The following TMEM200B variants were observed in gnomAD, a reference collection of about 807,000 sequenced individuals.
The protein encoded by TMEM200B is transmembrane protein TTMA.
Under a neutral mutation model 17.6 loss-of-function variants are expected in TMEM200B, and 12 were observed. The observed-to-expected ratio is 0.68, with a 90% confidence interval of 0.44 to 1.11. TMEM200B has a LOEUF of 1.11. TMEM200B is among the 50% of genes least tolerant of loss of function. The probability of loss-of-function intolerance (pLI) is 0.00; values close to 1 mark genes in which losing one functional copy is unlikely to be tolerated. For synonymous variants in TMEM200B, 234 were observed against 209.2 expected (o/e 1.12, Z -1.02); for missense variants, 456 against 447.6 (o/e 1.02, Z -0.17).
At position 29,121,675 on chromosome 1, in the gene TMEM200B, AC is replaced by A; in HGVS notation, c.153del (p.Ser52ArgfsTer43). ...GCCCCCAGCGCCGCGAACGCCCCCGACGGCGAGCGCAGCCGCAGCCGCGCCC... is the reference window on the plus strand; with the variant it reads ...GCCCCCAGCGCCGCGAACGCCCCCGAGGCGAGCGCAGCCGCAGCCGCGCCC... ...RVRARLRLRS[P>X]SGAFAALGAL... On this transcript the variant is annotated frameshift_variant, in exon 2 of 2. Coordinates refer to ENST00000521452, the MANE Select transcript of TMEM200B (RefSeq NM_001003682.4). LOFTEE classifies it high-confidence loss of function. This position sits in a 1 kb window ranked among gnomAD's most constrained non-coding sequence, Gnocchi z 5.6. 7.3e-7 allele frequency: 1 copy of A among 1,375,100 alleles called. No homozygotes were observed. The highest frequency in any genetic ancestry group is 9.4e-7 in the Non-Finnish European group (1 of 1,065,950). The allele number at this position is 1,375,100 out of a possible 1,614,324, so 85.2% of individuals were successfully genotyped here.
In TMEM200B at chr1:29,121,563, G is replaced by A; in HGVS notation, c.266C>T (p.Ala89Val). ...CAGCTCGCTCATCTGGGGCGAGCTG[G>A]CATTGGCGGCCCGGGACCCTGGGGC... ...AGAPGSRAAN[A>V]SSPQMSELRR... is the part of the protein sequence containing the mutation. Residue 89 changes from alanine to valine, a missense_variant, in exon 2 of 2, where the codon GCC becomes GTC. Ala to Val is a moderately conservative substitution (Grantham distance 64, BLOSUM62 0). Transcript: ENST00000521452. The surrounding 1 kb of genome is among the most constrained non-coding windows in gnomAD (Gnocchi z 5.6). 1 of 1,503,414 alleles carries A rather than the reference G, an allele frequency of 6.7e-7. No homozygotes were observed. Among genetic ancestry groups the A allele is most frequent in the East Asian group, 2.6e-5 (1 of 37,822 alleles). The allele number at this position is 1,503,414 out of a possible 1,614,324, so 93.1% of individuals were successfully genotyped here.
rs1351790276 is a variant in TMEM200B, at chr1:29,121,026, A to G, written c.803T>C (p.Leu268Pro). 6.2e-7 allele frequency: 1 copy of G among 1,613,556 alleles called. No homozygotes were observed. The highest frequency in any genetic ancestry group is 8.5e-7 in the Non-Finnish European group (1 of 1,180,000). The change falls in exon 2 of 2, where the codon CTC (leucine) becomes CCC (proline). Residue 268 changes from leucine to proline, a missense_variant. Transcript: ENST00000521452. The surrounding 1 kb of genome is among the most constrained non-coding windows in gnomAD (Gnocchi z 5.6). ...SKSLDLGLGE[L>P]LLGAPAARDC... is the part of the protein sequence containing the mutation. ...CCGAGCTGCTGGGGCCCCAAGGAGG[A>G]GCTCCCCAAGGCCCAGATCCAGAGA...
chr1:29,123,063 C>T (rs756918468), intron 1 of TMEM200B, among the ~76,000 whole-genome samples: 7 of 152,228 alleles, frequency 4.6e-5, no homozygotes, highest in African/African-American at 1.4e-4. Context: ...CGTCCGCTTC[C>T]TAAAGAACCA....
chr1:29,120,735 T>G lies in TMEM200B; in HGVS notation c.*170A>C. 1.2e-6 allele frequency: 1 copy of G among 838,322 alleles called. No homozygotes were observed. The allele number at this position is 838,322 out of a possible 1,614,324, so 51.9% of individuals were successfully genotyped here. A position where few individuals can be genotyped will look rare whatever the true frequency, so the allele number is the denominator to read the frequency against. On this transcript the variant is annotated 3_prime_UTR_variant, in exon 2 of 2. Transcript: ENST00000521452. ...CACTGAGCCCTGGTGCAGCTGGCAT[T>G]TCTCTGCCCGCATGCAGGTCAGGAT...
At position 29,120,742 on chromosome 1, in the gene TMEM200B, C is replaced by T; in HGVS notation, c.*163G>A. On this transcript the variant is annotated 3_prime_UTR_variant, in exon 2 of 2. Transcript: ENST00000521452. ...CCCTGGTGCAGCTGGCATTTCTCTGCCCGCATGCAGGTCAGGATGCCCTTC... is the reference window on the plus strand; with the variant it reads ...CCCTGGTGCAGCTGGCATTTCTCTGTCCGCATGCAGGTCAGGATGCCCTTC... 1.1e-6 allele frequency: 1 copy of T among 887,234 alleles called. No homozygotes were observed. Among genetic ancestry groups the T allele is most frequent in the East Asian group, 2.7e-5 (1 of 37,360 alleles). 55.0% of individuals were successfully genotyped at this position (887,234 alleles called of 1,614,324 possible).
In TMEM200B at chr1:29,122,804, C is replaced by G. The variant is rs562203881; in HGVS notation, c.-20-956G>C. On this transcript the variant is annotated intron_variant, in intron 1 of 1. Coordinates refer to ENST00000521452, the MANE Select transcript of TMEM200B (RefSeq NM_001003682.4). ...CCCGAGGCCTCCGTGGCCCGTGGCC[C>G]GGTCAGAGCAGCACCGCCCCTGCGC... Among the ~76,000 whole-genome samples, 640 of 152,374 alleles carry G rather than the reference C, an allele frequency of 4.2e-3. 6 individuals carry two copies. The highest frequency in any genetic ancestry group is 0.014 in the African/African-American group (580 of 41,598).
Position 29,121,818 on chromosome 1 carries a change from C to T in TMEM200B, c.11G>A (p.Gly4Glu). 7.8e-7 allele frequency: 1 copy of T among 1,287,534 alleles called. No individual in the cohort carries two copies. 79.8% of individuals were successfully genotyped at this position (1,287,534 alleles called of 1,614,324 possible). A position where few individuals can be genotyped will look rare whatever the true frequency, so the allele number is the denominator to read the frequency against. ...CACCTCCCCGCATTCTTCGGGGCTC[C>T]CGGCCGTCATCTCGCCGTCGTCTGG... MTA[G>E]SPEECGEVRR... Residue 4 changes from glycine (G) to glutamate (E), a missense_variant, in exon 2 of 2, where the codon GGG becomes GAG. Transcript: ENST00000521452. This position sits in a 1 kb window ranked among gnomAD's most constrained non-coding sequence, Gnocchi z 5.6.
intron 1 of TMEM200B, among the ~76,000 whole-genome samples, 192 bp downstream of exon 1, chr1:29,123,664 A>T (rs983031102): frequency 6.6e-6 from 1 of 151,876 alleles, no homozygotes; most frequent in African/African-American, 2.4e-5. Context: ...GCCCGACAGA[A>T]GATGCTGGGG....
Position 29,119,447 on chromosome 1 carries a change from AT to A in TMEM200B, c.*1457del, listed in dbSNP as rs1461701164. On this transcript the variant is annotated 3_prime_UTR_variant, in exon 2 of 2. Coordinates refer to ENST00000521452, the MANE Select transcript of TMEM200B (RefSeq NM_001003682.4). ...CAGTAACAACTCTCGCTGCAATTTT[AT>A]TTTAATTTGAGAAATAAAGATTTCC... 1 of 152,572 alleles carries A rather than the reference AT, an allele frequency of 6.6e-6. No individual in the cohort carries two copies. Among genetic ancestry groups the A allele is most frequent in the Non-Finnish European group, 1.5e-5 (1 of 68,038 alleles). The allele number at this position is 152,572 out of a possible 1,614,324, so 9.5% of individuals were successfully genotyped here. A position where few individuals can be genotyped will look rare whatever the true frequency, so the allele number is the denominator to read the frequency against.
Position 29,119,600 on chromosome 1 carries a change from C to G in TMEM200B, c.*1305G>C, listed in dbSNP as rs539260182. 3.3e-5 allele frequency: 5 copies of G among 152,234 alleles called. No individual in the cohort carries two copies. The highest frequency in any genetic ancestry group is 1.3e-4 in the Admixed American group (2 of 15,276). The allele number at this position is 152,234 out of a possible 1,614,324, so 9.4% of individuals were successfully genotyped here. A position where few individuals can be genotyped will look rare whatever the true frequency, so the allele number is the denominator to read the frequency against. ...TGACCCATCCCCGTCCCCACCCCCC[C>G]CTCCACCGCTGGGCCCATCAGTGTG... On this transcript the variant is annotated 3_prime_UTR_variant, in exon 2 of 2. Transcript: ENST00000521452.
rs1574165712 is a variant in TMEM200B at position 29,120,528 on chromosome 1, A to C, written c.*377T>G. 1 of 221,740 alleles carries C rather than the reference A, an allele frequency of 4.5e-6. No homozygotes were observed. Among genetic ancestry groups the C allele is most frequent in the East Asian group, 9.5e-5 (1 of 10,518 alleles). 13.7% of individuals were successfully genotyped at this position (221,740 alleles called of 1,614,324 possible). A position where few individuals can be genotyped will look rare whatever the true frequency, so the allele number is the denominator to read the frequency against. ...GCCCCAGCCTGTAACATCCCAACCT[A>C]CCTCCCAGTCTTAGGGGCCCTTGCC... On this transcript the variant is annotated 3_prime_UTR_variant, in exon 2 of 2. Transcript: ENST00000521452.
In TMEM200B at chr1:29,121,083, T is replaced by C; in HGVS notation, c.746A>G (p.Gln249Arg). The change falls in exon 2 of 2, where the codon CAG becomes CGG. Residue 249 changes from glutamine (Q) to arginine (R), a missense_variant. By Grantham distance (43) the Gln-to-Arg change is conservative (BLOSUM62 1). Transcript: ENST00000521452. This position sits in a 1 kb window ranked among gnomAD's most constrained non-coding sequence, Gnocchi z 5.6. The stretch of plus-strand genomic sequence containing the variant: ...ATGTTCAATGCAGGAGCCAGACGGC[T>C]GCACGGTGATGATCACATGGCCAGT... ...TQTGHVIITVQPSGSCIEHSK... is the reference protein window; with the variant it reads ...TQTGHVIITVRPSGSCIEHSK... 1 of 1,613,854 alleles carries C rather than the reference T, an allele frequency of 6.2e-7. No individual in the cohort carries two copies. The highest frequency in any genetic ancestry group is 8.5e-7 in the Non-Finnish European group (1 of 1,180,032).
In TMEM200B at chr1:29,120,628, G is replaced by T; in HGVS notation, c.*277C>A. ...CTGGCCTGGACCTCCAGCCCTGTTA[G>T]GGCTAAGGCCACTTACAGAGGCTGA... On this transcript the variant is annotated 3_prime_UTR_variant, in exon 2 of 2. Coordinates refer to ENST00000521452, the MANE Select transcript of TMEM200B (RefSeq NM_001003682.4). 6.5e-6 allele frequency: 3 copies of T among 458,698 alleles called. No individual in the cohort carries two copies. Among genetic ancestry groups the T allele is most frequent in the Non-Finnish European group, 1.2e-5 (3 of 258,514 alleles). The allele number at this position is 458,698 out of a possible 1,614,324, so 28.4% of individuals were successfully genotyped here.
intron 1 of TMEM200B, chr1:29,122,438 C>T (rs1453466039): frequency 6.6e-6 from 1 of 152,612 alleles, no homozygotes. Context: ...CCTCCTCCGC[C>T]CGCAGCGAAG....
Position 29,120,764 on chromosome 1 carries a change from C to A in TMEM200B, c.*141G>T. 8.8e-7 allele frequency: 1 copy of A among 1,133,408 alleles called. No individual in the cohort carries two copies. The highest frequency in any genetic ancestry group is 1.2e-6 in the Non-Finnish European group (1 of 812,766). The allele number at this position is 1,133,408 out of a possible 1,614,324, so 70.2% of individuals were successfully genotyped here. Reference sequence around the variant, plus strand: ...CTGCCCGCATGCAGGTCAGGATGCCCTTCACAGCTGCTGTGGTCAGAGCAT... The same window carrying A: ...CTGCCCGCATGCAGGTCAGGATGCCATTCACAGCTGCTGTGGTCAGAGCAT... On this transcript the variant is annotated 3_prime_UTR_variant, in exon 2 of 2. Coordinates refer to ENST00000521452, the MANE Select transcript of TMEM200B (RefSeq NM_001003682.4).
chr1:29,120,850 G>A lies in TMEM200B; in HGVS notation c.*55C>T, dbSNP rs1458703692. 13 of 1,478,370 alleles carry A rather than the reference G, an allele frequency of 8.8e-6. No individual in the cohort carries two copies. The highest frequency in any genetic ancestry group is 1.4e-5 in the African/African-American group (1 of 70,608). The allele number at this position is 1,478,370 out of a possible 1,614,324, so 91.6% of individuals were successfully genotyped here. On this transcript the variant is annotated 3_prime_UTR_variant, in exon 2 of 2. Coordinates refer to ENST00000521452, the MANE Select transcript of TMEM200B (RefSeq NM_001003682.4). ...TAGACGTTGGGACTCCTGGTCCTTT[G>A]GTCCTATTAGCATGGTCCATGCTGC...
rs1232384752 is a variant in TMEM200B at position 29,121,310 on chromosome 1, G to A, written c.519C>T (p.Pro173=). 5 of 1,598,564 alleles carry A rather than the reference G, an allele frequency of 3.1e-6. No individual in the cohort carries two copies. Among genetic ancestry groups the A allele is most frequent in the Non-Finnish European group, 4.3e-6 (5 of 1,173,964 alleles). The part of the protein sequence containing the change: ...PGWDCALLPS[P]GPRSPRAVGC... ...CTACGGCTCGGGGACTCCTAGGGCCGGGGCTGGGAAGGAGGGCGCAGTCCC... is the reference window on the plus strand; with the variant it reads ...CTACGGCTCGGGGACTCCTAGGGCCAGGGCTGGGAAGGAGGGCGCAGTCCC... The change falls in exon 2 of 2, where the codon CCC becomes CCT. Residue 173 remains proline (P), a synonymous_variant. Coordinates refer to ENST00000521452, the MANE Select transcript of TMEM200B (RefSeq NM_001003682.4). This position sits in a 1 kb window ranked among gnomAD's most constrained non-coding sequence, Gnocchi z 5.6.
rs1194663213 is a variant in TMEM200B, at chr1:29,119,464, A to G, written c.*1441T>C. ...GCAATTTTATTTTAATTTGAGAAAT[A>G]AAGATTTCCTCCAAGCCACATGAGG... On this transcript the variant is annotated 3_prime_UTR_variant, in exon 2 of 2. Transcript: ENST00000521452. 1.3e-5 allele frequency: 2 copies of G among 152,520 alleles called. No homozygotes were observed. Among genetic ancestry groups the G allele is most frequent in the Admixed American group, 6.5e-5 (1 of 15,274 alleles). 9.4% of individuals were successfully genotyped at this position (152,520 alleles called of 1,614,324 possible).
chr1:29,121,773 C>A lies in TMEM200B; in HGVS notation c.56G>T (p.Arg19Leu). 1 of 1,241,516 alleles carries A rather than the reference C, an allele frequency of 8.1e-7. No homozygotes were observed. Among genetic ancestry groups the A allele is most frequent in the Non-Finnish European group, 1.0e-6 (1 of 992,724 alleles). The allele number at this position is 1,241,516 out of a possible 1,614,324, so 76.9% of individuals were successfully genotyped here. ...CAGGCGGCGGCCCAAGCGAGAGACG[C>A]GGCCCTCGGGGCTCCTCCGCACCTC... is the stretch of plus-strand genomic sequence containing the variant. Reference protein sequence around the residue: ...CGEVRRSPEGRVSRLGRRLGR... With the variant: ...CGEVRRSPEGLVSRLGRRLGR... Residue 19 changes from arginine to leucine, a missense_variant, in exon 2 of 2, where the codon CGC (arginine) becomes CTC (leucine). Arg to Leu is a moderately radical substitution (Grantham distance 102). Coordinates refer to ENST00000521452, the MANE Select transcript of TMEM200B (RefSeq NM_001003682.4). This position sits in a 1 kb window ranked among gnomAD's most constrained non-coding sequence, Gnocchi z 5.6.
Sources: allele counts gnomAD v4.1 joint callset (sites outside exome capture counted in the v4.1 genomes callset), GRCh38; gene constraint gnomAD v4.1.1; non-coding constraint Gnocchi (gnomAD v3.1); transcripts MANE v1.5; gene names NCBI Gene and HGNC (gene_info 2026-07-23, HGNC 2026-07-21).